The following P2RX7 variants were observed in gnomAD, a reference collection of about 807,000 sequenced individuals.
The protein encoded by P2RX7 is P2X purinoceptor 7.
P2RX7 carries 62 observed loss-of-function variants against 71.6 expected under a neutral mutation model. That is an observed-to-expected ratio of 0.87 (90% CI 0.71 to 1.07). The LOEUF is 1.07. Ranked by LOEUF, P2RX7 falls within the 50% of genes least tolerant of loss-of-function variation. The pLI is 0.00. For missense variants in P2RX7, 686 were observed against 748.5 expected (o/e 0.92, Z 0.97); for synonymous variants, 299 against 283.3 (o/e 1.06, Z -0.56).
At chr12:121,183,909 G>A (rs763671195) in intron 12 of P2RX7, among the ~76,000 whole-genome samples, 15 of 152,104 alleles carry the variant, frequency 9.9e-5, no homozygotes, top group African/African-American at 3.4e-4. Context: ...CTAGAAATAC[G>A]AAAGAATTAG....
intron 5 of P2RX7, among the ~76,000 whole-genome samples, chr12:121,163,823 G>A (rs757989353): frequency 2.0e-4 from 30 of 152,090 alleles, no homozygotes; most frequent in East Asian, 5.8e-4. Flanking sequence ...ATTGGACAGC[G>A]CAGTTCTAGA....
chr12:121,161,099 C>T, intron 4 of P2RX7, 125 bp downstream of exon 4: 1 of 778,576 alleles, frequency 1.3e-6, no homozygotes. Flanking sequence ...ATCACCAAGC[C>T]ATAGGCGAGT....
At chr12:121,153,611 G>A (rs1242561067) in intron 1 of P2RX7, among the ~76,000 whole-genome samples, 1 of 152,120 alleles carries the variant, frequency 6.6e-6, no homozygotes, top group East Asian at 1.9e-4. Flanking sequence ...CCGGCAGGCA[G>A]AAGTTGCAGT....
intron 1 of P2RX7, among the ~76,000 whole-genome samples, chr12:121,135,040 T>C (rs1168102660): frequency 6.6e-6 from 1 of 152,158 alleles, no homozygotes; most frequent in East Asian, 1.9e-4. Flanking sequence ...GTATCTATTT[T>C]TAAAAATAAT....
chr12:121,184,065 A>C (rs1442529582), intron 12 of P2RX7, among the ~76,000 whole-genome samples: 1 of 54,300 alleles, frequency 1.8e-5, no homozygotes, highest in African/African-American at 8.1e-5. Flanking sequence ...ACCCTCTCTC[A>C]AAAAAAAAAA....
intron 5 of P2RX7, 76 bp from the exon 6 acceptor site, chr12:121,165,281 C>A: frequency 9.1e-7 from 1 of 1,097,160 alleles, no homozygotes; most frequent in Non-Finnish European, 1.4e-6. Flanking sequence ...AAACCAGAAG[C>A]CTCTGGTCCC....
intron 1 of P2RX7, among the ~76,000 whole-genome samples, chr12:121,148,537 C>A (rs1876731053): frequency 6.6e-6 from 1 of 152,016 alleles, no homozygotes; most frequent in African/African-American, 2.4e-5. Flanking sequence ...TATATTTTTT[C>A]TTTTTAACCC....
chr12:121,180,236 G>T, intron 11 of P2RX7, 118 bp from the exon 12 acceptor site: 16 of 370,110 alleles, frequency 4.3e-5, no homozygotes, highest in Admixed American at 8.8e-5. Flanking sequence ...TGAGAGTTTT[G>T]AGCCAGCTTG....
At position 121,160,916 on chromosome 12, in the gene P2RX7, G is replaced by C; in HGVS notation, c.378G>C (p.Arg126Ser). The C allele has an allele frequency of 6.2e-7, 1 of 1,613,898 alleles. No homozygotes were observed. Among genetic ancestry groups the C allele is most frequent in the South Asian group, 1.1e-5 (1 of 91,086 alleles). ...TCTATCTGCAGTATCCCACCCGCAG[G>C]ACGCTCTGTTCCTCTGACCGAGGTT... ...QRLCPEYPTR[R>S]TLCSSDRGCK... Residue 126 changes from arginine to serine, a missense_variant, in exon 4 of 13, where the codon AGG becomes AGC. Arg to Ser is a moderately radical substitution (Grantham distance 110). Coordinates refer to ENST00000328963, the MANE Select transcript of P2RX7 (RefSeq NM_002562.6).
rs946412114 is a variant in P2RX7, at chr12:121,133,219, C to T, written c.125+124C>T. The T allele has an allele frequency of 4.5e-6, 5 of 1,123,564 alleles. No homozygotes were observed. The Admixed American group carries it at 8.8e-5, about 20-fold the overall frequency. 69.6% of individuals were successfully genotyped at this position (1,123,564 alleles called of 1,614,324 possible). A position where few individuals can be genotyped will look rare whatever the true frequency, so the allele number is the denominator to read the frequency against. Reference sequence around the variant, plus strand: ...TTTTCGAATCTGAGACGTGCTCTCACAGCCAGCTGGGCGGGAGGGAGGAAG... The same window carrying T: ...TTTTCGAATCTGAGACGTGCTCTCATAGCCAGCTGGGCGGGAGGGAGGAAG... On this transcript the variant is annotated intron_variant, in intron 1 of 12. Transcript: ENST00000328963.
At chr12:121,184,243 T>G in intron 12 of P2RX7, 62 bp from the exon 13 acceptor site, 1 of 1,506,982 alleles carries the variant, frequency 6.6e-7, no homozygotes, top group Non-Finnish European at 8.8e-7. Context: ...GTTAATAAAA[T>G]TAAAGAACCT....
At chr12:121,183,715 A>G (rs1884520214) in intron 12 of P2RX7, among the ~76,000 whole-genome samples, 1 of 152,118 alleles carries the variant, frequency 6.6e-6, no homozygotes, top group Non-Finnish European at 1.5e-5. Flanking sequence ...GGTGGTCAGG[A>G]CAAGAGGTGA....
rs148061667 is a variant in P2RX7, at chr12:121,165,428, A to G, written c.605A>G (p.Asn202Ser). The G allele has an allele frequency of 6.2e-6, 10 of 1,613,666 alleles. No individual in the cohort carries two copies. The African/African-American group carries it at 8.0e-5, about 13-fold the overall frequency. ...IKNNIDFPGHNYTTRNILPGL... is the reference protein window; with the variant it reads ...IKNNIDFPGHSYTTRNILPGL... ...AACAATATCGACTTCCCCGGCCACA[A>G]CTACACCACGTAAGTGCCCAGGCTG... Residue 202 changes from asparagine (N) to serine (S), a missense_variant, in exon 6 of 13, where the codon AAC becomes AGC. By Grantham distance (46) the Asn-to-Ser change is conservative. Transcript: ENST00000328963.
Position 121,157,840 on chromosome 12 carries a change from T to C in P2RX7, c.363+1693T>C, listed in dbSNP as rs148125310. Reference sequence around the variant, plus strand: ...GAGAACAAAACCTAGCTGTTCGGATTATTGAAACAAATGAGTGAATACCTG... The same window carrying C: ...GAGAACAAAACCTAGCTGTTCGGATCATTGAAACAAATGAGTGAATACCTG... On this transcript the variant is annotated intron_variant, in intron 3 of 12. Coordinates refer to ENST00000328963, the MANE Select transcript of P2RX7 (RefSeq NM_002562.6). Among the ~76,000 whole-genome samples, 354 of 152,320 alleles carry C rather than the reference T, an allele frequency of 2.3e-3. 2 individuals are homozygous for C. Among genetic ancestry groups the C allele is most frequent in the African/African-American group, 7.9e-3 (330 of 41,576 alleles).
chr12:121,173,863 A>G (rs1411389463), intron 8 of P2RX7, among the ~76,000 whole-genome samples: 2 of 152,072 alleles, frequency 1.3e-5, no homozygotes. Context: ...CAAAAGCTGG[A>G]TTGCAGAGGA....
At position 121,177,458 on chromosome 12, in the gene P2RX7, G is replaced by A. The variant is rs1464188818; in HGVS notation, c.1188+12G>A. 6.2e-7 allele frequency: 1 copy of A among 1,611,918 alleles called. No individual in the cohort carries two copies. The highest frequency in any genetic ancestry group is 8.5e-7 in the Non-Finnish European group (1 of 1,179,288). The stretch of plus-strand genomic sequence containing the variant: ...TGGAGCCAAAGCCGGTGAGGCCGCT[G>A]TGTTCACAGGACACCAAGACATGGA... On this transcript the variant is annotated intron_variant, in intron 11 of 12. Transcript: ENST00000328963.
At chr12:121,140,706 G>A in intron 1 of P2RX7, among the ~76,000 whole-genome samples, 1 of 152,218 alleles carries the variant, frequency 6.6e-6, no homozygotes, top group East Asian at 1.9e-4. Context: ...CAAAGGTGGA[G>A]ACTGCCGTGA....
At chr12:121,155,218 C>T (rs142113769) in intron 2 of P2RX7, 522 of 1,416,862 alleles carry the variant, frequency 3.7e-4, no homozygotes, top group Non-Finnish European at 4.6e-4. Flanking sequence ...GATTCACTCG[C>T]GCTTGATTTA....
chr12:121,181,782 G>A (rs949785701), intron 12 of P2RX7, among the ~76,000 whole-genome samples: 4 of 152,244 alleles, frequency 2.6e-5, no homozygotes, highest in Admixed American at 6.5e-5. Flanking sequence ...GCATGAACCT[G>A]GGAGGCAGAG....
Sources: allele counts gnomAD v4.1 joint callset (sites outside exome capture counted in the v4.1 genomes callset), GRCh38; gene constraint gnomAD v4.1.1; transcripts MANE v1.5; gene names NCBI Gene and HGNC (gene_info 2026-07-23, HGNC 2026-07-21).